Variants in IL1RAPL1 observed in about 807,000 individuals in gnomAD.
The protein encoded by IL1RAPL1 is interleukin-1 receptor accessory protein-like 1.
Under a neutral mutation model 48.4 loss-of-function variants are expected in IL1RAPL1, and 3 were observed. The ratio of observed to expected loss-of-function variants is 0.06; its 90% CI spans 0.03 to 0.16. The LOEUF (loss-of-function observed/expected upper bound fraction) is 0.16, where lower values mean the gene tolerates loss of function less well. Ranked by LOEUF, IL1RAPL1 falls within the 10% of genes least tolerant of loss-of-function variation. IL1RAPL1 has a pLI of 1.00. For synonymous variants in IL1RAPL1, 185 were observed against 187.7 expected (o/e 0.99, Z 0.12); for missense variants, 349 against 530.6 (o/e 0.66, Z 3.36).
chrX:28,785,356 G>A (rs984362673), intron 1 of IL1RAPL1, among the ~76,000 whole-genome samples: 11 of 111,730 alleles, frequency 9.8e-5, no homozygotes, highest in South Asian at 3.7e-4. Context: ...GAACTCCTGG[G>A]CCCAAATGAT....
At chrX:28,914,140 C>G (rs1923428107) in intron 2 of IL1RAPL1, among the ~76,000 whole-genome samples, 1 of 110,339 alleles carries the variant, frequency 9.1e-6, no homozygotes, top group Admixed American at 9.7e-5. Context: ...TAAGTGAAGA[C>G]CTAGGAAACT....
chrX:29,511,008 A>G lies in IL1RAPL1; in HGVS notation c.703+111700A>G, dbSNP rs746860125. 1.9e-4 allele frequency among the ~76,000 whole-genome samples: 21 copies of G among 111,817 alleles called. No homozygotes were observed. The East Asian group carries it at 2.3e-3, about 12-fold the overall frequency. On this transcript the variant is annotated intron_variant, in intron 5 of 10. Transcript: ENST00000378993. ...CATCTGCTGCTTGAACTCCTTCTTTATAGTCGAGTGAGATGATCTCTACCC... is the reference window on the plus strand; with the variant it reads ...CATCTGCTGCTTGAACTCCTTCTTTGTAGTCGAGTGAGATGATCTCTACCC...
rs766328124 is a variant in IL1RAPL1, at chrX:28,624,539, C to T, written c.-25+36492C>T. On this transcript the variant is annotated intron_variant, in intron 1 of 10. Coordinates refer to ENST00000378993, the MANE Select transcript of IL1RAPL1 (RefSeq NM_014271.4). ...CATTTTCTCTACCTGTTGGTCACGGCCTTTTCTTCTTATAGCTTACTTTAT... is the reference window on the plus strand; with the variant it reads ...CATTTTCTCTACCTGTTGGTCACGGTCTTTTCTTCTTATAGCTTACTTTAT... Among the ~76,000 whole-genome samples, 6 of 111,758 alleles carry T rather than the reference C, an allele frequency of 5.4e-5. No homozygotes were observed. In the Admixed American group the frequency reaches 5.7e-4, roughly 11 times the overall value.
At chrX:28,983,563 T>A (rs1426805426) in intron 2 of IL1RAPL1, among the ~76,000 whole-genome samples, 1 of 112,221 alleles carries the variant, frequency 8.9e-6, no homozygotes, top group Non-Finnish European at 1.9e-5. Context: ...CTTTCCAATT[T>A]ACGCTAACAT....
chrX:29,715,226 T>C (rs1440271308), intron 6 of IL1RAPL1, among the ~76,000 whole-genome samples: 1 of 111,472 alleles, frequency 9.0e-6, no homozygotes, highest in South Asian at 3.8e-4. Flanking sequence ...CCCCTTTCTC[T>C]GGAGTATTAT....
chrX:29,416,379 T>C (rs917418347), intron 5 of IL1RAPL1, among the ~76,000 whole-genome samples: 8 of 110,957 alleles, frequency 7.2e-5, no homozygotes, highest in African/African-American at 2.3e-4. Context: ...CTACTAAAAA[T>C]ACAAAAATTA....
intron 5 of IL1RAPL1, among the ~76,000 whole-genome samples, chrX:29,538,338 CTT>C (rs397896582): frequency 3.6e-5 from 3 of 83,620 alleles, no homozygotes; most frequent in East Asian, 3.8e-4. Context: ...CTTTTCTTTT[CTT>C]TTTTTTTTTT....
chrX:29,174,812 G>A (rs779438579), intron 2 of IL1RAPL1, among the ~76,000 whole-genome samples: 9 of 111,793 alleles, frequency 8.1e-5, no homozygotes, highest in Non-Finnish European at 1.3e-4. Context: ...GCTGGCTCAC[G>A]CCTGCAATCC....
At chrX:29,533,185 T>C (rs1313847631) in intron 5 of IL1RAPL1, among the ~76,000 whole-genome samples, 1 of 112,381 alleles carries the variant, frequency 8.9e-6, no homozygotes, top group Non-Finnish European at 1.9e-5. Context: ...CAGAGAGTTA[T>C]GCAAACATCA....
At chrX:29,022,043 TC>T (rs1453707099) in intron 2 of IL1RAPL1, among the ~76,000 whole-genome samples, 2 of 111,875 alleles carry the variant, frequency 1.8e-5, no homozygotes, top group African/African-American at 3.2e-5. Flanking sequence ...CTTTTTGGAT[TC>T]CCTTTTTGGA....
chrX:29,617,684 C>T (rs1434435386), intron 5 of IL1RAPL1, among the ~76,000 whole-genome samples: 1 of 112,105 alleles, frequency 8.9e-6, no homozygotes, highest in Non-Finnish European at 1.9e-5. Context: ...GCCTCAACCT[C>T]GTGAAAAACA....
At chrX:29,568,578 T>C (rs2147796891) in intron 5 of IL1RAPL1, among the ~76,000 whole-genome samples, 1 of 111,189 alleles carries the variant, frequency 9.0e-6, no homozygotes, top group Non-Finnish European at 1.9e-5. Context: ...TGAGAAAATT[T>C]TCTGTACTAG....
chrX:29,720,055 A>G (rs1927595414), intron 6 of IL1RAPL1, among the ~76,000 whole-genome samples: 1 of 112,232 alleles, frequency 8.9e-6, no homozygotes, highest in Non-Finnish European at 1.9e-5. Context: ...ACCATGAGAT[A>G]CCATCTCACG....
At chrX:28,674,044 A>G (rs920664407) in intron 1 of IL1RAPL1, among the ~76,000 whole-genome samples, 1 of 112,076 alleles carries the variant, frequency 8.9e-6, no homozygotes, top group Non-Finnish European at 1.9e-5. Context: ...GTATTAGATT[A>G]ACACTGAACC....
At chrX:29,137,019 A>C (rs778808948) in intron 2 of IL1RAPL1, among the ~76,000 whole-genome samples, 1 of 111,304 alleles carries the variant, frequency 9.0e-6, no homozygotes, top group South Asian at 3.8e-4. Context: ...GCTATGTGAA[A>C]GAAGCTGGTG....
intron 6 of IL1RAPL1, among the ~76,000 whole-genome samples, chrX:29,737,535 T>C (rs1164979642): frequency 8.9e-6 from 1 of 111,918 alleles, no homozygotes; most frequent in East Asian, 2.8e-4. Context: ...GTCCATGACA[T>C]ATTAGATAAA....
At chrX:29,028,946 C>T (rs937034093) in intron 2 of IL1RAPL1, among the ~76,000 whole-genome samples, 13 of 110,620 alleles carry the variant, frequency 1.2e-4, no homozygotes, top group Non-Finnish European at 1.9e-4. Flanking sequence ...TGCCCAAGGC[C>T]GAGTAATTTA....
intron 5 of IL1RAPL1, among the ~76,000 whole-genome samples, chrX:29,635,743 G>A (rs1407553616): frequency 2.8e-5 from 3 of 108,713 alleles, no homozygotes; most frequent in Admixed American, 9.9e-5. Context: ...CATTTTCAGT[G>A]AATTCAATCA....
At chrX:28,872,004 C>G (rs937675833) in intron 2 of IL1RAPL1, among the ~76,000 whole-genome samples, 4 of 111,178 alleles carry the variant, frequency 3.6e-5, no homozygotes, top group Non-Finnish European at 5.7e-5. Flanking sequence ...ATAATTCTGC[C>G]TTATCATTCT....
Sources: allele counts gnomAD v4.1 joint callset (sites outside exome capture counted in the v4.1 genomes callset), GRCh38; gene constraint gnomAD v4.1.1; transcripts MANE v1.5; gene names NCBI Gene and HGNC (gene_info 2026-07-23, HGNC 2026-07-21).